ANLN: variants seen among roughly 807,000 people sequenced by gnomAD.
ANLN encodes the protein anillin.
Under a neutral mutation model 135.1 loss-of-function variants are expected in ANLN, and 59 were observed. That is an observed-to-expected ratio of 0.44 (90% CI 0.35 to 0.54). The LOEUF (loss-of-function observed/expected upper bound fraction) is 0.54. Ranked by LOEUF, ANLN falls within the 20% of genes least tolerant of loss-of-function variation. ANLN has a pLI of 0.00. For missense variants in ANLN, 1,182 were observed against 1,340.0 expected (o/e 0.88, Z 1.84); for synonymous variants, 406 against 456.4 (o/e 0.89, Z 1.41).
Position 36,423,859 on chromosome 7 carries a change from C to T in ANLN, c.2519C>T (p.Ala840Val). The T allele has an allele frequency of 6.2e-7, 1 of 1,612,066 alleles. No individual in the cohort carries two copies. Among genetic ancestry groups the T allele is most frequent in the Non-Finnish European group, 8.5e-7 (1 of 1,178,978 alleles). Residue 840 changes from alanine to valine, a missense_variant, in exon 15 of 24, where the codon GCT (alanine) becomes GTT (valine). Ala to Val is a moderately conservative substitution (Grantham distance 64, BLOSUM62 0). Around this residue, in one of 3 missense-constraint regions of ANLN, gnomAD observed 1,022 missense variants for 1,134.0 expected, o/e 0.90. Coordinates refer to ENST00000265748, the MANE Select transcript of ANLN (RefSeq NM_018685.5). ...TACTTAATTATACTAAAAGCAGGAGCTGAAAATATGGTAGCCACACCATTA... is the reference window on the plus strand; with the variant it reads ...TACTTAATTATACTAAAAGCAGGAGTTGAAAATATGGTAGCCACACCATTA... Reference protein sequence around the residue: ...YYYLIILKAGAENMVATPLAS... With the variant: ...YYYLIILKAGVENMVATPLAS...
At chr7:36,439,606 G>A (rs1021594930) in intron 21 of ANLN, among the ~76,000 whole-genome samples, 1 of 152,208 alleles carries the variant, frequency 6.6e-6, no homozygotes, top group African/African-American at 2.4e-5. Flanking sequence ...GACTGTGTGT[G>A]GGGTGGGATA....
At chr7:36,396,180 G>A in intron 1 of ANLN, 86 bp from the exon 2 acceptor site, 1 of 1,179,602 alleles carries the variant, frequency 8.5e-7, no homozygotes. Flanking sequence ...CATCCTGTAT[G>A]GCAATTGGTG....
intron 20 of ANLN, among the ~76,000 whole-genome samples, chr7:36,427,590 G>A (rs563431273): frequency 6.6e-6 from 1 of 152,264 alleles, no homozygotes; most frequent in Non-Finnish European, 1.5e-5. Flanking sequence ...CTGGGCTCTG[G>A]CCATCTGTCT....
intron 21 of ANLN, among the ~76,000 whole-genome samples, chr7:36,440,148 T>C (rs1465231039): frequency 6.6e-6 from 1 of 152,086 alleles, no homozygotes; most frequent in Non-Finnish European, 1.5e-5. Context: ...AGACATTTAG[T>C]AGAGGTAAAG....
chr7:36,435,504 T>C (rs1788495350), intron 20 of ANLN, among the ~76,000 whole-genome samples: 1 of 152,098 alleles, frequency 6.6e-6, no homozygotes, highest in South Asian at 2.1e-4. Context: ...TACCTGGGCT[T>C]GAACTTCATT....
Position 36,398,885 on chromosome 7 carries a change from T to C in ANLN, c.173-194T>C, listed in dbSNP as rs576158847. Among the ~76,000 whole-genome samples, 8 of 152,264 alleles carry C rather than the reference T, an allele frequency of 5.3e-5. No homozygotes were observed. In the East Asian group the frequency reaches 1.5e-3, roughly 29 times the overall value. ...TTTTTATAATATAAATTGTGTCTGC[T>C]TGAAAAGATCTTTCATATCAGATTT... On this transcript the variant is annotated intron_variant, in intron 2 of 23. Coordinates refer to ENST00000265748, the MANE Select transcript of ANLN (RefSeq NM_018685.5).
chr7:36,437,708 TA>T (rs1788602288), intron 20 of ANLN, among the ~76,000 whole-genome samples: 1 of 152,154 alleles, frequency 6.6e-6, no homozygotes, highest in African/African-American at 2.4e-5. Flanking sequence ...AATCCATTGC[TA>T]AATCCATGAT....
In ANLN at chr7:36,406,239, C is replaced by G. The variant is rs748967747; in HGVS notation, c.546C>G (p.Ser182=). The part of the protein sequence containing the change: ...SPMPSEEKAA[S]PPRPLLSNAS... ...TGCCATCAGAGGAAAAGGCTGCTTC[C>G]CCTCCCAGACCTCTGCTTTCAAATG... is the stretch of plus-strand genomic sequence containing the variant. The change falls in exon 4 of 24, where the codon TCC becomes TCG. Residue 182 remains serine, a synonymous_variant. Transcript: ENST00000265748. 15 of 1,613,220 alleles carry G rather than the reference C, an allele frequency of 9.3e-6. No homozygotes were observed. The highest frequency in any genetic ancestry group is 1.3e-5 in the Non-Finnish European group (15 of 1,179,282).
Position 36,408,008 on chromosome 7 carries a change from A to G in ANLN, c.1096+52A>G, listed in dbSNP as rs558909452. ...ATTGCTGATTATATTCAGGATATCT[A>G]TTCTCAGCATTTTAAATATTCAATT... On this transcript the variant is annotated intron_variant, in intron 5 of 23. Transcript: ENST00000265748. 8.8e-5 allele frequency: 119 copies of G among 1,349,566 alleles called. 2 individuals are homozygous for G. The South Asian group carries it at 1.3e-3, about 15-fold the overall frequency. 83.6% of individuals were successfully genotyped at this position (1,349,566 alleles called of 1,614,324 possible). A position where few individuals can be genotyped will look rare whatever the true frequency, so the allele number is the denominator to read the frequency against.
rs369406062 is a variant in ANLN at position 36,406,325 on chromosome 7, C to T, written c.632C>T (p.Ser211Phe). The T allele has an allele frequency of 1.9e-6, 3 of 1,614,028 alleles. No homozygotes were observed. Among genetic ancestry groups the T allele is most frequent in the Non-Finnish European group, 1.7e-6 (2 of 1,180,012 alleles). The change falls in exon 4 of 24, where the codon TCC (serine) becomes TTC (phenylalanine). Residue 211 changes from serine to phenylalanine, a missense_variant. Physicochemically the swap from Ser to Phe is radical, Grantham distance 155. Transcript: ENST00000265748. Reference sequence around the variant, plus strand: ...GCCAATCTTGCTGCAACTATTTGCTCCTGGGAAGATGATGTAAATCACTCA... The same window carrying T: ...GCCAATCTTGCTGCAACTATTTGCTTCTGGGAAGATGATGTAAATCACTCA... ...RLANLAATIC[S>F]WEDDVNHSFA...
intron 5 of ANLN, among the ~76,000 whole-genome samples, chr7:36,409,400 T>C (rs904540610): frequency 6.6e-6 from 1 of 152,156 alleles, no homozygotes; most frequent in African/African-American, 2.4e-5. Context: ...CCACACCCAT[T>C]TACTTACATA....
intron 7 of ANLN, 73 bp downstream of exon 7, chr7:36,411,239 G>T: frequency 1.7e-6 from 2 of 1,189,906 alleles, no homozygotes; most frequent in African/African-American, 1.6e-5. Context: ...GTTCTGTATT[G>T]GCAAATAATT....
intron 22 of ANLN, among the ~76,000 whole-genome samples, chr7:36,446,493 A>G (rs1376591394): frequency 6.6e-6 from 1 of 152,178 alleles, no homozygotes; most frequent in Non-Finnish European, 1.5e-5. Context: ...GCTTCTGGGG[A>G]GGCCTCAGGG....
At chr7:36,412,327 A>ATATATATT (rs1491401014) in intron 7 of ANLN, among the ~76,000 whole-genome samples, 76 of 94,780 alleles carry the variant, frequency 8.0e-4, no homozygotes, top group East Asian at 3.6e-3. Context: ...ATATATATAT[A>ATATATATT]TTTTTTTTTT....
At chr7:36,449,918 A>G (rs1789175466) in intron 23 of ANLN, 81 bp downstream of exon 23, 2 of 1,399,770 alleles carry the variant, frequency 1.4e-6, no homozygotes, top group African/African-American at 1.4e-5. Flanking sequence ...GAAATATCAC[A>G]GATGGTCCTT....
At chr7:36,410,418 A>C (rs1318180640) in intron 5 of ANLN, 96 bp from the exon 6 acceptor site, 1 of 1,063,934 alleles carries the variant, frequency 9.4e-7, no homozygotes, top group Non-Finnish European at 1.3e-6. Flanking sequence ...GAATCAAAGC[A>C]TTTTGAAGCT....
At chr7:36,422,193 C>T (rs940090092) in intron 13 of ANLN, among the ~76,000 whole-genome samples, 2 of 151,816 alleles carry the variant, frequency 1.3e-5, no homozygotes, top group Non-Finnish European at 2.9e-5. Context: ...TAGAAGCAAC[C>T]GAAAGGCATT....
chr7:36,399,324 T>A lies in ANLN; in HGVS notation c.418T>A (p.Ser140Thr), dbSNP rs773315062. 3.7e-6 allele frequency: 6 copies of A among 1,613,980 alleles called. No individual in the cohort carries two copies. In the East Asian group the frequency reaches 1.3e-4, roughly 36 times the overall value. The change falls in exon 3 of 24, where the codon TCC becomes ACC. Residue 140 changes from serine (S) to threonine (T), a missense_variant. This residue lies in a region of ANLN where 1,022 missense variants were observed against 1,134.0 expected (regional missense o/e 0.90). Transcript: ENST00000265748. Reference sequence around the variant, plus strand: ...CTCAAGATTGGAAGCAACTGCAGCCTCCTCAGTTAAAACACGTATGCAAAA... The same window carrying A: ...CTCAAGATTGGAAGCAACTGCAGCCACCTCAGTTAAAACACGTATGCAAAA... ...LNSRLEATAA[S>T]SVKTRMQKLA...
rs1016927737 is a variant in ANLN at position 36,453,430 on chromosome 7, C to G, written c.*830C>G. On this transcript the variant is annotated 3_prime_UTR_variant, in exon 24 of 24. Coordinates refer to ENST00000265748, the MANE Select transcript of ANLN (RefSeq NM_018685.5). ...ATGAAGCTGCTATGTACTAATAATACTTTGCTTGCCAAAGTGTTTGGGTTT... is the reference window on the plus strand; with the variant it reads ...ATGAAGCTGCTATGTACTAATAATAGTTTGCTTGCCAAAGTGTTTGGGTTT... 2 of 152,132 alleles carry G rather than the reference C, an allele frequency of 1.3e-5. No homozygotes were observed. Among genetic ancestry groups the G allele is most frequent in the Non-Finnish European group, 2.9e-5 (2 of 68,028 alleles). 9.4% of individuals were successfully genotyped at this position (152,132 alleles called of 1,614,324 possible). A position where few individuals can be genotyped will look rare whatever the true frequency, so the allele number is the denominator to read the frequency against.
Sources: allele counts gnomAD v4.1 joint callset (sites outside exome capture counted in the v4.1 genomes callset), GRCh38; gene constraint gnomAD v4.1.1; regional missense constraint gnomAD v4.1.1; transcripts MANE v1.5; gene names NCBI Gene and HGNC (gene_info 2026-07-23, HGNC 2026-07-21).